The following TFDP2 variants were observed in gnomAD, a reference collection of about 807,000 sequenced individuals.
The protein encoded by TFDP2 is transcription factor Dp-2, also known as transcription factor Dp-2 (E2F dimerization partner 2).
TFDP2 carries 17 observed loss-of-function variants against 59.3 expected under a neutral mutation model. That is an observed-to-expected ratio of 0.29 (90% CI 0.20 to 0.43). The LOEUF (loss-of-function observed/expected upper bound fraction) is 0.43. TFDP2 is among the 20% of genes least tolerant of loss of function. The pLI is 1.00. For synonymous variants in TFDP2, 180 were observed against 194.7 expected (o/e 0.92, Z 0.63); for missense variants, 391 against 528.8 (o/e 0.74, Z 2.56).
At chr3:142,113,852 A>C (rs1379545249) in intron 1 of TFDP2, among the ~76,000 whole-genome samples, 1 of 152,180 alleles carries the variant, frequency 6.6e-6, no homozygotes, top group Non-Finnish European at 1.5e-5. Flanking sequence ...GTATTTAATA[A>C]GCAATTCCTC....
At chr3:142,130,290 T>G (rs562402603) in intron 1 of TFDP2, among the ~76,000 whole-genome samples, 89 of 152,186 alleles carry the variant, frequency 5.8e-4, no homozygotes, top group African/African-American at 1.9e-3. Flanking sequence ...TGACATATGC[T>G]ACATTGATGA....
At chr3:142,026,830 G>A (rs1946132249) in intron 3 of TFDP2, among the ~76,000 whole-genome samples, 1 of 152,142 alleles carries the variant, frequency 6.6e-6, no homozygotes, top group Admixed American at 6.6e-5. Flanking sequence ...CTTTTCAGCA[G>A]ATAAACATTC....
Position 141,952,610 on chromosome 3 carries a change from G to A in TFDP2, c.1244C>T (p.Ala415Val), listed in dbSNP as rs199578913. The stretch of plus-strand genomic sequence containing the variant: ...TCGGGACTCGGAGCAGTGAGAGGCC[G>A]CACTGCTGGACTGGTGACTGTTTGG... ...LAPNSHQSSS[A>V]ASHCSESRGE... Residue 415 changes from alanine to valine, a missense_variant, in exon 13 of 13, where the codon GCG becomes GTG. This residue lies in a region of TFDP2 where 223 missense variants were observed against 292.5 expected (regional missense o/e 0.76). Coordinates refer to ENST00000489671, the MANE Select transcript of TFDP2 (RefSeq NM_001178139.2). The A allele has an allele frequency of 2.7e-5, 43 of 1,582,612 alleles. No homozygotes were observed. Among genetic ancestry groups the A allele is most frequent in the Non-Finnish European group, 3.3e-5 (39 of 1,172,180 alleles).
At chr3:142,065,468 A>G (rs943719903) in intron 3 of TFDP2, among the ~76,000 whole-genome samples, 3 of 151,916 alleles carry the variant, frequency 2.0e-5, no homozygotes, top group Non-Finnish European at 4.4e-5. Context: ...CCAAAAAAAG[A>G]GGAAAGCTAG....
At chr3:142,057,149 G>A (rs2059774080) in intron 3 of TFDP2, among the ~76,000 whole-genome samples, 1 of 152,162 alleles carries the variant, frequency 6.6e-6, no homozygotes, top group Non-Finnish European at 1.5e-5. Context: ...CCACAGCTGG[G>A]ACTGTCAGTC....
chr3:141,974,229 G>C, intron 7 of TFDP2, 38 bp from the exon 8 acceptor site: 1 of 1,536,540 alleles, frequency 6.5e-7, no homozygotes, highest in Non-Finnish European at 8.8e-7. Flanking sequence ...TAAATCTTAA[G>C]GGTTAAGATA....
At chr3:142,042,814 A>C (rs1270243457) in intron 3 of TFDP2, among the ~76,000 whole-genome samples, 7 of 132,774 alleles carry the variant, frequency 5.3e-5, no homozygotes, top group Non-Finnish European at 6.1e-5. Flanking sequence ...ATCTCGGCTC[A>C]CCACAACCTC....
intron 3 of TFDP2, among the ~76,000 whole-genome samples, chr3:142,010,989 G>A (rs1944624029): frequency 9.4e-6 from 1 of 105,902 alleles, no homozygotes; most frequent in African/African-American, 3.6e-5. Flanking sequence ...TACACTGTTG[G>A]TGGGACTGTA....
Position 141,944,440 on chromosome 3 carries a change from GTT to G in TFDP2, c.*8071_*8072del, listed in dbSNP as rs1023303215. On this transcript the variant is annotated 3_prime_UTR_variant, in exon 13 of 13. Coordinates refer to ENST00000489671, the MANE Select transcript of TFDP2 (RefSeq NM_001178139.2). ...AATGAGACTAACATTATTTTAAAGT[GTT>G]TATTTTTTTCTATAATACATTTCAT... 1 of 152,088 alleles carries G rather than the reference GTT, an allele frequency of 6.6e-6. No homozygotes were observed. Among genetic ancestry groups the G allele is most frequent in the Non-Finnish European group, 1.5e-5 (1 of 68,022 alleles). 9.4% of individuals were successfully genotyped at this position (152,088 alleles called of 1,614,324 possible).
At chr3:141,954,849 T>C (rs994057349) in intron 11 of TFDP2, among the ~76,000 whole-genome samples, 1 of 152,018 alleles carries the variant, frequency 6.6e-6, no homozygotes, top group African/African-American at 2.4e-5. Context: ...AAAATGAAAC[T>C]ATATGATTTA....
chr3:142,038,778 C>T (rs1560073688), intron 3 of TFDP2, among the ~76,000 whole-genome samples: 1 of 151,994 alleles, frequency 6.6e-6, no homozygotes, highest in Non-Finnish European at 1.5e-5. Flanking sequence ...GTTAGTTTAA[C>T]TTTTTGAACT....
chr3:142,074,939 G>A (rs962242424), intron 3 of TFDP2, among the ~76,000 whole-genome samples: 1 of 151,984 alleles, frequency 6.6e-6, no homozygotes, highest in African/African-American at 2.4e-5. Context: ...ACTGATTTTC[G>A]ACAAGGGTGC....
intron 11 of TFDP2, among the ~76,000 whole-genome samples, chr3:141,958,395 G>A (rs1936958157): frequency 6.6e-6 from 1 of 152,044 alleles, no homozygotes; most frequent in South Asian, 2.1e-4. Flanking sequence ...TCACCAAAGA[G>A]TATATTACTA....
chr3:142,033,933 T>C (rs1418224775), intron 3 of TFDP2, among the ~76,000 whole-genome samples: 1 of 152,112 alleles, frequency 6.6e-6, no homozygotes, highest in African/African-American at 2.4e-5. Flanking sequence ...AACTTTAATA[T>C]TTCTCTTCCC....
At chr3:141,960,097 C>CA in intron 10 of TFDP2, among the ~76,000 whole-genome samples, 1 of 152,296 alleles carries the variant, frequency 6.6e-6, no homozygotes. Flanking sequence ...CTGTTACAAA[C>CA]AGAGGATAGA....
At chr3:141,971,374 TAAA>T (rs56219575) in intron 8 of TFDP2, among the ~76,000 whole-genome samples, 37 of 80,008 alleles carry the variant, frequency 4.6e-4, no homozygotes, top group East Asian at 7.6e-4. Flanking sequence ...TCGTCTCTAC[TAAA>T]AAAAAAAAAA....
At chr3:142,007,831 A>G (rs1348179947) in intron 3 of TFDP2, among the ~76,000 whole-genome samples, 2 of 152,098 alleles carry the variant, frequency 1.3e-5, no homozygotes, top group African/African-American at 4.8e-5. Context: ...TGCTGATCTG[A>G]CAGGAGGCGG....
chr3:141,970,271 A>T, intron 8 of TFDP2, 130 bp from the exon 9 acceptor site: 1 of 775,224 alleles, frequency 1.3e-6, no homozygotes, highest in Non-Finnish European at 2.1e-6. Flanking sequence ...ATATGAATAA[A>T]GACAAATCAT....
At position 141,954,410 on chromosome 3, in the gene TFDP2, G is replaced by A. The variant is rs140553904; in HGVS notation, c.1052-1394C>T. Among the ~76,000 whole-genome samples the A allele has an allele frequency of 5.2e-3, 799 of 152,262 alleles. 11 individuals are homozygous for A. Among genetic ancestry groups the A allele is most frequent in the African/African-American group, 0.019 (776 of 41,544 alleles). ...AATCCCAGCACTTTGGGAGGCCAAG[G>A]CGGGCAGATTGAGCTCAGGAGTTCG... On this transcript the variant is annotated intron_variant, in intron 11 of 12. Coordinates refer to ENST00000489671, the MANE Select transcript of TFDP2 (RefSeq NM_001178139.2).
Sources: gnomAD v4.1 joint callset for allele counts (sites outside exome capture counted in the v4.1 genomes callset) on GRCh38, gnomAD v4.1.1 for gene constraint, gnomAD v4.1.1 regional missense constraint, MANE v1.5 for transcripts, NCBI Gene and HGNC (gene_info 2026-07-23, HGNC 2026-07-21) for gene names.